Variants in TINAG observed in about 807,000 individuals in gnomAD.
TINAG encodes the protein tubulointerstitial nephritis antigen.
Under a neutral mutation model 72.7 loss-of-function variants are expected in TINAG, and 83 were observed. That is an observed-to-expected ratio of 1.14 (90% CI 0.96 to 1.37). TINAG has a LOEUF of 1.37. Ranked by LOEUF, TINAG falls within the 40% of genes most tolerant of loss-of-function variation. TINAG has a pLI of 0.00. For missense variants in TINAG, 685 were observed against 576.6 expected, an observed-to-expected ratio of 1.19 and a Z score of -1.93; for synonymous variants, 234 against 189.9, an observed-to-expected ratio of 1.23 and a Z score of -1.91.
At chr6:54,347,125 T>TA (rs1226653464) in intron 5 of TINAG, among the ~76,000 whole-genome samples, 9 of 151,916 alleles carry the variant, frequency 5.9e-5, no homozygotes, top group Admixed American at 2.6e-4. Flanking sequence ...AACAAGAAAC[T>TA]AAAAAAATCT....
intron 3 of TINAG, among the ~76,000 whole-genome samples, chr6:54,323,991 G>A (rs1345186967): frequency 2.0e-5 from 3 of 152,022 alleles, no homozygotes; most frequent in Non-Finnish European, 4.4e-5. Context: ...TATGTTAAGG[G>A]AATTTACCAT....
At chr6:54,346,324 T>C (rs1024602766) in intron 5 of TINAG, among the ~76,000 whole-genome samples, 3 of 151,932 alleles carry the variant, frequency 2.0e-5, no homozygotes, top group African/African-American at 4.8e-5. Flanking sequence ...GTTTAATAAA[T>C]GTGTTGAGGA....
intron 8 of TINAG, 70 bp downstream of exon 8, chr6:54,351,467 T>C: frequency 7.1e-6 from 10 of 1,416,938 alleles, no homozygotes; most frequent in Non-Finnish European, 9.7e-6. Context: ...TGAGCTCATG[T>C]AATAGGAGTT....
intron 9 of TINAG, among the ~76,000 whole-genome samples, chr6:54,373,175 A>G (rs1057070920): frequency 4.6e-5 from 7 of 151,234 alleles, no homozygotes; most frequent in African/African-American, 1.7e-4. Flanking sequence ...TAATGACCCA[A>G]CTGTTTCCCC....
chr6:54,335,417 T>C lies in TINAG; in HGVS notation c.625-7809T>C, dbSNP rs9464055. Among the ~76,000 whole-genome samples, 393 of 152,176 alleles carry C rather than the reference T, an allele frequency of 2.6e-3. 4 individuals carry two copies. Among genetic ancestry groups the C allele is most frequent in the African/African-American group, 9.0e-3 (373 of 41,536 alleles). On this transcript the variant is annotated intron_variant, in intron 4 of 10. Transcript: ENST00000259782. Reference sequence around the variant, plus strand: ...TTGCCAAGTAATTCCAGGAAAGCAATAAGAAAAATTCAGCTGAACCAGTAA... The same window carrying C: ...TTGCCAAGTAATTCCAGGAAAGCAACAAGAAAAATTCAGCTGAACCAGTAA...
Position 54,347,386 on chromosome 6 carries a change from A to G in TINAG, c.768A>G (p.Ile256Met). The change falls in exon 6 of 11, where the codon ATA becomes ATG. Residue 256 changes from isoleucine to methionine, a missense_variant. By Grantham distance (10) the Ile-to-Met change is conservative. Coordinates refer to ENST00000259782, the MANE Select transcript of TINAG (RefSeq NM_014464.4). ...FSTASVAADR[I>M]AIQSKGRYTA... ...AAACAGGTGTGGCTGCTGACCGAAT[A>G]GCAATTCAGTCTAAGGGTCGATACA... 13 of 1,612,828 alleles carry G rather than the reference A, an allele frequency of 8.1e-6. No homozygotes were observed. Among genetic ancestry groups the G allele is most frequent in the Non-Finnish European group, 1.1e-5 (13 of 1,179,326 alleles).
At chr6:54,344,924 T>A (rs1463031534) in intron 5 of TINAG, among the ~76,000 whole-genome samples, 1 of 152,106 alleles carries the variant, frequency 6.6e-6, no homozygotes, top group Non-Finnish European at 1.5e-5. Context: ...CGTCGAGAAG[T>A]ATTAGTTACA....
At chr6:54,346,532 A>G (rs1232730714) in intron 5 of TINAG, among the ~76,000 whole-genome samples, 1 of 151,460 alleles carries the variant, frequency 6.6e-6, no homozygotes, top group East Asian at 1.9e-4. Flanking sequence ...TAGATTGTAT[A>G]TATATAATTA....
intron 9 of TINAG, among the ~76,000 whole-genome samples, chr6:54,376,403 C>G (rs921819979): frequency 2.0e-5 from 3 of 151,968 alleles, no homozygotes; most frequent in African/African-American, 7.2e-5. Flanking sequence ...TCTGTGCTTA[C>G]CTTAAAAGGG....
chr6:54,364,326 A>G (rs1475018064), intron 9 of TINAG, among the ~76,000 whole-genome samples: 1 of 151,498 alleles, frequency 6.6e-6, no homozygotes, highest in Admixed American at 6.6e-5. Flanking sequence ...AAAAAGTCAG[A>G]AACGAAAAAA....
intron 4 of TINAG, among the ~76,000 whole-genome samples, chr6:54,329,481 A>G (rs1393650434): frequency 1.3e-5 from 2 of 152,190 alleles, no homozygotes; most frequent in African/African-American, 4.8e-5. Flanking sequence ...AAAGCACTAA[A>G]TATAGAAAGG....
chr6:54,364,114 A>G (rs1055737210), intron 9 of TINAG, among the ~76,000 whole-genome samples: 3 of 151,542 alleles, frequency 2.0e-5, no homozygotes. Context: ...GAGGAAAATT[A>G]GATAGTTTGT....
chr6:54,342,008 T>A (rs1338859274), intron 4 of TINAG, among the ~76,000 whole-genome samples: 1 of 152,028 alleles, frequency 6.6e-6, no homozygotes, highest in African/African-American at 2.4e-5. Context: ...AAATAATGAG[T>A]ATTAAGACAT....
intron 1 of TINAG, among the ~76,000 whole-genome samples, chr6:54,316,851 T>C (rs1388529829): frequency 2.0e-5 from 3 of 152,324 alleles, no homozygotes; most frequent in East Asian, 1.9e-4. Context: ...TTATAGACAA[T>C]GTATTATTTT....
At chr6:54,317,876 C>T (rs1218345204) in intron 1 of TINAG, among the ~76,000 whole-genome samples, 1 of 152,106 alleles carries the variant, frequency 6.6e-6, no homozygotes, top group Non-Finnish European at 1.5e-5. Flanking sequence ...TCTCTCTTGG[C>T]AGGGTTATTG....
chr6:54,312,629 CTT>C (rs1418155128), intron 1 of TINAG, among the ~76,000 whole-genome samples: 6 of 151,976 alleles, frequency 3.9e-5, no homozygotes, highest in Admixed American at 2.6e-4. Flanking sequence ...AAGTAAAACT[CTT>C]ATTATTTGTA....
intron 1 of TINAG, among the ~76,000 whole-genome samples, chr6:54,311,811 T>C (rs1415235187): frequency 6.6e-6 from 1 of 152,116 alleles, no homozygotes; most frequent in Non-Finnish European, 1.5e-5. Flanking sequence ...TTTGAATAAG[T>C]TTTTTTAGTT....
At chr6:54,380,787 A>G (rs1031716327) in intron 10 of TINAG, among the ~76,000 whole-genome samples, 2 of 151,786 alleles carry the variant, frequency 1.3e-5, no homozygotes, top group African/African-American at 2.4e-5. Context: ...TAAAAGAAAA[A>G]TCAGTGTTTA....
chr6:54,354,481 T>C, intron 8 of TINAG, 32 bp from the exon 9 acceptor site: 7 of 1,575,170 alleles, frequency 4.4e-6, no homozygotes, highest in Non-Finnish European at 6.0e-6. Flanking sequence ...ATTTTAATAC[T>C]GTGCCATTTG....
Sources: allele counts gnomAD v4.1 joint callset (sites outside exome capture counted in the v4.1 genomes callset), GRCh38; gene constraint gnomAD v4.1.1; transcripts MANE v1.5; gene names NCBI Gene and HGNC (gene_info 2026-07-23, HGNC 2026-07-21).